PCDHAC2: variants seen among roughly 807,000 people sequenced by gnomAD.
PCDHAC2 encodes the protein protocadherin alpha subfamily C, 2.
A neutral mutation model predicts 63.3 loss-of-function variants in PCDHAC2; 24 were observed. That is an observed-to-expected ratio of 0.38 (90% confidence interval 0.27 to 0.53). PCDHAC2 has a LOEUF of 0.53. Among genes scored for constraint, PCDHAC2 ranks in the 20% least tolerant of loss-of-function variants. The probability of loss-of-function intolerance (pLI) is 0.81; values close to 1 mark genes in which losing one functional copy is unlikely to be tolerated. For synonymous variants in PCDHAC2, 569 were observed against 529.4 expected, an observed-to-expected ratio of 1.07 and a Z score of -1.03; for missense variants, 1,181 against 1,275.2, an observed-to-expected ratio of 0.93 and a Z score of 1.12.
intron 1 of PCDHAC2, among the ~76,000 whole-genome samples, chr5:140,974,533 C>T (rs540810616): frequency 1.5e-4 from 23 of 152,160 alleles, no homozygotes; most frequent in Middle Eastern, 6.8e-3. Flanking sequence ...TTTTTTGAGA[C>T]GGAGTTTTGC....
At chr5:140,985,103 A>C (rs1342526252) in intron 3 of PCDHAC2, among the ~76,000 whole-genome samples, 1 of 151,694 alleles carries the variant, frequency 6.6e-6, no homozygotes, top group Admixed American at 6.6e-5. Context: ...AAGCCTGGCT[A>C]ATTTTTTGTG....
chr5:140,966,796 G>A lies in PCDHAC2; in HGVS notation c.30G>A (p.Ala10=), dbSNP rs1255615650. MEQAGTRPA[A]TEHPRLRRPM... is the part of the protein sequence containing the mutation. ...AGCAGGCGGGCACCAGACCTGCGGCGACAGAGCATCCACGGCTCCGGCGGC... is the reference window on the plus strand; with the variant it reads ...AGCAGGCGGGCACCAGACCTGCGGCAACAGAGCATCCACGGCTCCGGCGGC... The change falls in exon 1 of 4, where the codon GCG becomes GCA. Residue 10 remains alanine (A), a synonymous_variant. Coordinates refer to ENST00000289269, the MANE Select transcript of PCDHAC2 (RefSeq NM_018899.6). 5.2e-6 allele frequency: 8 copies of A among 1,535,610 alleles called. No homozygotes were observed. The highest frequency in any genetic ancestry group is 1.4e-5 in the African/African-American group (1 of 73,154).
intron 3 of PCDHAC2, among the ~76,000 whole-genome samples, chr5:140,990,586 A>G (rs544396898): frequency 7.2e-5 from 11 of 152,284 alleles, no homozygotes; most frequent in African/African-American, 2.6e-4. Flanking sequence ...CTTTTCCTAT[A>G]ATCACCTGGA....
At chr5:140,992,282 TG>T (rs1554252798) in intron 3 of PCDHAC2, among the ~76,000 whole-genome samples, 1 of 152,178 alleles carries the variant, frequency 6.6e-6, no homozygotes, top group African/African-American at 2.4e-5. Context: ...AGCACATCCC[TG>T]CAAAGGATGG....
intron 3 of PCDHAC2, among the ~76,000 whole-genome samples, chr5:141,003,100 T>TTCACAATC (rs1311391173): frequency 6.6e-6 from 1 of 152,240 alleles, no homozygotes; most frequent in African/African-American, 2.4e-5. Flanking sequence ...TGGCATTTGC[T>TTCACAATC]TCACAATCTT....
At position 140,983,424 on chromosome 5, in the gene PCDHAC2, A is replaced by G. The variant is rs115903969; in HGVS notation, c.2713+861A>G. On this transcript the variant is annotated intron_variant, in intron 3 of 3. Transcript: ENST00000289269. ...GGAAGATTAAGTGTTGGTAGAGACC[A>G]CAAATTGTGTCTACTCTAATCCTCT... Among the ~76,000 whole-genome samples, 1,234 of 152,366 alleles carry G rather than the reference A, an allele frequency of 8.1e-3. 22 individuals are homozygous for G. Among genetic ancestry groups the G allele is most frequent in the African/African-American group, 0.028 (1,160 of 41,578 alleles).
chr5:140,979,383 T>C (rs2096847136), intron 2 of PCDHAC2, among the ~76,000 whole-genome samples: 1 of 152,220 alleles, frequency 6.6e-6, no homozygotes, highest in Admixed American at 6.5e-5. Context: ...CATTGTGCAA[T>C]GTATACATAC....
intron 3 of PCDHAC2, among the ~76,000 whole-genome samples, chr5:140,984,059 C>G (rs1269975627): frequency 6.6e-6 from 1 of 152,108 alleles, no homozygotes; most frequent in East Asian, 1.9e-4. Context: ...CAAATCTGTA[C>G]CCTCAGTGCC....
Position 141,011,514 on chromosome 5 carries a change from GT to G in PCDHAC2, c.*1584del, listed in dbSNP as rs35545269. 2 of 153,738 alleles carry G rather than the reference GT, an allele frequency of 1.3e-5. No homozygotes were observed. The highest frequency in any genetic ancestry group is 1.9e-4 in the East Asian group (1 of 5,186). The allele number at this position is 153,738 out of a possible 1,614,324, so 9.5% of individuals were successfully genotyped here. ...TACACCTGTGAAAAAGTGGAGTAGTGTTTTTTTAACCATTGTTAATCAGCTT... is the reference window on the plus strand; with the variant it reads ...TACACCTGTGAAAAAGTGGAGTAGTGTTTTTTAACCATTGTTAATCAGCTT... On this transcript the variant is annotated 3_prime_UTR_variant, in exon 4 of 4. Coordinates refer to ENST00000289269, the MANE Select transcript of PCDHAC2 (RefSeq NM_018899.6).
chr5:140,996,531 G>A (rs782175834), intron 3 of PCDHAC2, among the ~76,000 whole-genome samples: 1 of 152,146 alleles, frequency 6.6e-6, no homozygotes, highest in African/African-American at 2.4e-5. Context: ...GGCCCTGTGT[G>A]TTTTGATATT....
rs1262836505 is a variant in PCDHAC2 at position 141,012,081 on chromosome 5, T to C, written c.*2144T>C. The C allele has an allele frequency of 6.5e-6, 1 of 153,748 alleles. No individual in the cohort carries two copies. Among genetic ancestry groups the C allele is most frequent in the Non-Finnish European group, 1.5e-5 (1 of 68,042 alleles). 9.5% of individuals were successfully genotyped at this position (153,748 alleles called of 1,614,324 possible). On this transcript the variant is annotated 3_prime_UTR_variant, in exon 4 of 4. Transcript: ENST00000289269. Reference sequence around the variant, plus strand: ...CAACACATGTGAACCATTGCTACATTGTAGGTTGTGATCATTTTGCCCCAC... The same window carrying C: ...CAACACATGTGAACCATTGCTACATCGTAGGTTGTGATCATTTTGCCCCAC...
In PCDHAC2 at chr5:140,968,835, A is replaced by C; in HGVS notation, c.2069A>C (p.Asp690Ala). 2 of 1,614,194 alleles carry C rather than the reference A, an allele frequency of 1.2e-6. No individual in the cohort carries two copies. The highest frequency in any genetic ancestry group is 1.7e-6 in the Non-Finnish European group (2 of 1,180,040). The change falls in exon 1 of 4, where the codon GAC becomes GCC. Residue 690 changes from aspartate (D) to alanine (A), a missense_variant. Physicochemically the swap from Asp to Ala is moderately radical, Grantham distance 126 (BLOSUM62 -2). Coordinates refer to ENST00000289269, the MANE Select transcript of PCDHAC2 (RefSeq NM_018899.6). ...GATAGGGTTTCCAAAATCCTCCCTG[A>C]CACTCAGAGGCATGTTAAGAGCCCT... Reference protein sequence around the residue: ...VVDRVSKILPDTQRHVKSPRT... With the variant: ...VVDRVSKILPATQRHVKSPRT...
At chr5:141,002,532 C>T (rs571310813) in intron 3 of PCDHAC2, among the ~76,000 whole-genome samples, 26 of 152,270 alleles carry the variant, frequency 1.7e-4, no homozygotes, top group African/African-American at 6.0e-4. Flanking sequence ...AGTCAGACTC[C>T]CTAGATTTGA....
At chr5:140,995,548 C>T (rs1554254718) in intron 3 of PCDHAC2, among the ~76,000 whole-genome samples, 2 of 152,200 alleles carry the variant, frequency 1.3e-5, no homozygotes, top group Non-Finnish European at 2.9e-5. Context: ...GGGGCGATCA[C>T]TGTACTGAAT....
chr5:141,000,421 ATTTTTT>A (rs34755515), intron 3 of PCDHAC2, among the ~76,000 whole-genome samples: 34 of 27,962 alleles, frequency 1.2e-3, no homozygotes, highest in East Asian at 9.9e-3. Context: ...ATATATATAT[ATTTTTT>A]TTTTTTTTTT....
At chr5:141,008,488 C>A (rs1300609417) in intron 3 of PCDHAC2, among the ~76,000 whole-genome samples, 1 of 152,124 alleles carries the variant, frequency 6.6e-6, no homozygotes, top group Non-Finnish European at 1.5e-5. Flanking sequence ...CTAGAAGTCA[C>A]TGGTATACTT....
intron 1 of PCDHAC2, among the ~76,000 whole-genome samples, chr5:140,971,297 T>C (rs1246980755): frequency 4.6e-5 from 7 of 152,222 alleles, no homozygotes; most frequent in Non-Finnish European, 1.0e-4. Context: ...TGTACTTTGG[T>C]ACACAAACAT....
intron 3 of PCDHAC2, among the ~76,000 whole-genome samples, chr5:140,990,735 C>T (rs1554251705): frequency 6.6e-6 from 1 of 152,112 alleles, no homozygotes; most frequent in African/African-American, 2.4e-5. Flanking sequence ...ATATCAACAG[C>T]CCTAGGGTGG....
At chr5:140,980,397 C>T (rs888776890) in intron 2 of PCDHAC2, among the ~76,000 whole-genome samples, 3 of 152,100 alleles carry the variant, frequency 2.0e-5, no homozygotes, top group South Asian at 2.1e-4. Context: ...TTTGGGAGGC[C>T]GAGGTGGGCA....
Sources: allele counts gnomAD v4.1 joint callset (sites outside exome capture counted in the v4.1 genomes callset), GRCh38; gene constraint gnomAD v4.1.1; transcripts MANE v1.5; gene names NCBI Gene and HGNC (gene_info 2026-07-23, HGNC 2026-07-21).